NGEF: variants seen among roughly 807,000 people sequenced by gnomAD.
NGEF encodes ephexin-1.
In NGEF, 31 loss-of-function variants were observed where a neutral mutation model predicts 80.9. The observed-to-expected ratio is 0.38, with a 90% CI of 0.29 to 0.52. The LOEUF (loss-of-function observed/expected upper bound fraction) is 0.52. Ranked by LOEUF, NGEF falls within the 20% of genes least tolerant of loss-of-function variation. The pLI, the probability that NGEF is intolerant of heterozygous loss-of-function variation, is 0.84. For missense variants in NGEF, 709 were observed against 926.2 expected, an observed-to-expected ratio of 0.77 and a Z score of 3.04; for synonymous variants, 371 against 370.2, an observed-to-expected ratio of 1.00 and a Z score of -0.03.
At position 232,909,543 on chromosome 2, in the gene NGEF, A is replaced by G. The variant is rs184843433; in HGVS notation, c.828+10741T>C. ...AACACAATAAAATGGAAGATATTCA[A>G]TCATTTTGATGTTTTACTGCATAAT... is the stretch of plus-strand genomic sequence containing the variant. On this transcript the variant is annotated intron_variant, in intron 5 of 14. Coordinates refer to ENST00000264051, the MANE Select transcript of NGEF (RefSeq NM_019850.3). Among the ~76,000 whole-genome samples the G allele has an allele frequency of 5.2e-4, 79 of 152,296 alleles. No individual in the cohort carries two copies. The Middle Eastern group carries it at 0.017, about 33-fold the overall frequency.
intron 1 of NGEF, among the ~76,000 whole-genome samples, chr2:232,999,332 T>TA (rs994337561): frequency 1.3e-4 from 20 of 150,528 alleles, no homozygotes; most frequent in Admixed American, 2.7e-4. Context: ...GATATAGAGT[T>TA]AAAAAAAAAA....
chr2:232,885,269 C>T lies in NGEF; in HGVS notation c.1437+11G>A. On this transcript the variant is annotated intron_variant, in intron 10 of 14. Coordinates refer to ENST00000264051, the MANE Select transcript of NGEF (RefSeq NM_019850.3). The stretch of plus-strand genomic sequence containing the variant: ...CATGGGCACAGGCTCACACCAATCC[C>T]ACCGGTTCACCTTGATCTTGAACTC... The T allele has an allele frequency of 6.2e-7, 1 of 1,613,042 alleles. No individual in the cohort carries two copies.
intron 3 of NGEF, 171 bp downstream of exon 3, chr2:232,970,042 GT>G (rs1386503342): frequency 7.5e-6 from 3 of 399,386 alleles, no homozygotes; most frequent in East Asian, 4.4e-5. Context: ...CAAAACAAAA[GT>G]TTTTTTTAAA....
At chr2:232,927,756 G>A (rs2106284622) in intron 3 of NGEF, 1 of 458,322 alleles carries the variant, frequency 2.2e-6, no homozygotes, top group African/African-American at 2.0e-5. Context: ...GCCCGGGGGT[G>A]GGAGTAGGGG....
intron 1 of NGEF, among the ~76,000 whole-genome samples, chr2:232,992,255 A>C (rs1194251949): frequency 6.6e-6 from 1 of 152,156 alleles, no homozygotes; most frequent in Non-Finnish European, 1.5e-5. Flanking sequence ...TTCCAAGTGC[A>C]CCACCAAGAA....
intron 3 of NGEF, among the ~76,000 whole-genome samples, chr2:232,955,815 G>A (rs1406935666): frequency 6.6e-6 from 1 of 152,090 alleles, no homozygotes; most frequent in Non-Finnish European, 1.5e-5. Context: ...CACCAAGCAG[G>A]ACCTTTGCTT....
intron 1 of NGEF, among the ~76,000 whole-genome samples, chr2:232,988,081 G>A (rs1201939004): frequency 6.7e-6 from 1 of 150,186 alleles, no homozygotes; most frequent in East Asian, 1.9e-4. Flanking sequence ...GTGTGTGTGT[G>A]TGAGTGACAA....
intron 3 of NGEF, among the ~76,000 whole-genome samples, chr2:232,957,041 TAAA>T (rs1693847170): frequency 6.6e-6 from 1 of 151,802 alleles, no homozygotes; most frequent in Non-Finnish European, 1.5e-5. Flanking sequence ...GTAATTATGA[TAAA>T]GCTAAAACAC....
At chr2:232,920,207 A>T in intron 5 of NGEF, 77 bp downstream of exon 5, 1 of 1,427,298 alleles carries the variant, frequency 7.0e-7, no homozygotes, top group Non-Finnish European at 9.5e-7. Flanking sequence ...CTCACCCCCC[A>T]GAGGAAGCCT....
chr2:233,004,770 G>A (rs62193978), intron 1 of NGEF, among the ~76,000 whole-genome samples: 2,041 of 151,562 alleles, frequency 0.013, 24 homozygotes, highest in Non-Finnish European at 0.021. Context: ...AATCAGGCTC[G>A]GCTTTGCCTC....
In NGEF at chr2:232,995,208, GTATATGTGTA is replaced by G. The variant is rs1694772706; in HGVS notation, c.-75+17850_-75+17859del. Reference sequence around the variant, plus strand: ...GTATGCTGTGTACAGTATGTATACTGTATATGTGTACAGTATGTATGCTGTGTACAGTATG... The same window carrying G: ...GTATGCTGTGTACAGTATGTATACTGCAGTATGTATGCTGTGTACAGTATG... On this transcript the variant is annotated intron_variant, in intron 1 of 14. Coordinates refer to ENST00000264051, the MANE Select transcript of NGEF (RefSeq NM_019850.3). Among the ~76,000 whole-genome samples the G allele has an allele frequency of 2.0e-4, 6 of 30,164 alleles. 3 individuals are homozygous for G. Among genetic ancestry groups the G allele is most frequent in the African/African-American group, 7.2e-4 (6 of 8,334 alleles). 19.8% of individuals were successfully genotyped at this position (30,164 alleles called of 152,430 possible). A position where few individuals can be genotyped will look rare whatever the true frequency, so the allele number is the denominator to read the frequency against.
At chr2:232,943,559 G>A (rs568346249) in intron 3 of NGEF, among the ~76,000 whole-genome samples, 186 of 121,752 alleles carry the variant, frequency 1.5e-3, no homozygotes, top group African/African-American at 5.2e-3. Context: ...GCAGTGGCGC[G>A]ATCTCGGCTC....
chr2:232,939,168 T>A (rs2106295177), intron 3 of NGEF, among the ~76,000 whole-genome samples: 1 of 97,954 alleles, frequency 1.0e-5, no homozygotes, highest in East Asian at 3.2e-4. Context: ...ACAGCAAGAC[T>A]CAGTCTCAAA....
chr2:232,900,391 GTCAC>G (rs1473888989), intron 5 of NGEF, among the ~76,000 whole-genome samples: 2 of 71,990 alleles, frequency 2.8e-5, no homozygotes, highest in Non-Finnish European at 5.5e-5. Context: ...CGCTCTCACA[GTCAC>G]TCATATACAC....
rs376905480 is a variant in NGEF, at chr2:233,003,319, C to T, written c.-75+9749G>A. ...CTCTGCTCCCAGACCCACAGCAGCG[C>T]GGGGTGCTCTTTCCCTCTGATGTCG... On this transcript the variant is annotated intron_variant, in intron 1 of 14. Transcript: ENST00000264051. Among the ~76,000 whole-genome samples, 21 of 152,244 alleles carry T rather than the reference C, an allele frequency of 1.4e-4. 1 individual carries two copies. In the East Asian group the frequency reaches 2.7e-3, roughly 20 times the overall value.
At position 232,890,817 on chromosome 2, in the gene NGEF, A is replaced by G. The variant is rs965581870; in HGVS notation, c.1272+541T>C. 28 of 442,630 alleles carry G rather than the reference A, an allele frequency of 6.3e-5. No individual in the cohort carries two copies. The Middle Eastern group carries it at 1.0e-3, about 16-fold the overall frequency. 27.4% of individuals were successfully genotyped at this position (442,630 alleles called of 1,614,324 possible). A position where few individuals can be genotyped will look rare whatever the true frequency, so the allele number is the denominator to read the frequency against. ...AAGTGGGTCCGATCAGGTGACTCCC[A>G]TCACACTGAGGACAGGACCCAATGT... On this transcript the variant is annotated intron_variant, in intron 8 of 14. Coordinates refer to ENST00000264051, the MANE Select transcript of NGEF (RefSeq NM_019850.3).
chr2:232,891,214 C>T, intron 8 of NGEF, 144 bp downstream of exon 8: 1 of 1,122,972 alleles, frequency 8.9e-7, no homozygotes, highest in African/African-American at 1.5e-5. Flanking sequence ...TGCATCCTCA[C>T]TGCCCAGGAA....
At position 232,906,783 on chromosome 2, in the gene NGEF, G is replaced by A. The variant is rs571231693; in HGVS notation, c.829-11867C>T. ...AAGATTGAGAAATCGGATGGTTGCG[G>A]TGTCTGTGTAGAAAGTAGTAGACAT... On this transcript the variant is annotated intron_variant, in intron 5 of 14. Transcript: ENST00000264051. Among the ~76,000 whole-genome samples, 646 of 151,582 alleles carry A rather than the reference G, an allele frequency of 4.3e-3. 4 individuals are homozygous for A. The highest frequency in any genetic ancestry group is 7.2e-3 in the Non-Finnish European group (491 of 67,916).
intron 3 of NGEF, among the ~76,000 whole-genome samples, chr2:232,954,396 G>A (rs1693752803): frequency 6.6e-6 from 1 of 152,078 alleles, no homozygotes; most frequent in African/African-American, 2.4e-5. Context: ...TTTTAATCTA[G>A]GTGATGAGAT....
Sources: allele counts gnomAD v4.1 joint callset (sites outside exome capture counted in the v4.1 genomes callset), GRCh38; gene constraint gnomAD v4.1.1; transcripts MANE v1.5; gene names NCBI Gene and HGNC (gene_info 2026-07-23, HGNC 2026-07-21).